The following EBF1 variants were observed in gnomAD, a reference collection of about 807,000 sequenced individuals.
EBF1 encodes the protein transcription factor COE1.
Under a neutral mutation model 68.4 loss-of-function variants are expected in EBF1, and 10 were observed. The observed-to-expected ratio is 0.15, with a 90% CI of 0.09 to 0.25. EBF1 has a LOEUF of 0.25. Ranked by LOEUF, EBF1 falls within the 10% of genes least tolerant of loss-of-function variation. The probability of loss-of-function intolerance (pLI) is 1.00; values close to 1 mark genes in which losing one functional copy is unlikely to be tolerated. For missense variants in EBF1, 509 were observed against 794.4 expected, an observed-to-expected ratio of 0.64 and a Z score of 4.32; for synonymous variants, 298 against 299.8, an observed-to-expected ratio of 0.99 and a Z score of 0.06.
intron 6 of EBF1, among the ~76,000 whole-genome samples, chr5:159,012,242 G>A (rs537762209): frequency 1.1e-4 from 16 of 151,478 alleles, no homozygotes; most frequent in Admixed American, 4.6e-4. Flanking sequence ...AGCTGAGATC[G>A]CGCCACTGCA....
chr5:158,944,011 C>G (rs1814101857), intron 6 of EBF1, among the ~76,000 whole-genome samples: 1 of 152,170 alleles, frequency 6.6e-6, no homozygotes, highest in South Asian at 2.1e-4. Context: ...CAAGCAGCCA[C>G]AAGCAATTGA....
chr5:158,808,224 A>G (rs1306709896), intron 8 of EBF1, among the ~76,000 whole-genome samples: 2 of 152,154 alleles, frequency 1.3e-5, no homozygotes, highest in Non-Finnish European at 2.9e-5. Context: ...TCTATGATGT[A>G]CTGACTCAAC....
chr5:158,919,038 C>T (rs1469979675), intron 6 of EBF1, among the ~76,000 whole-genome samples: 6 of 152,154 alleles, frequency 3.9e-5, no homozygotes, highest in Non-Finnish European at 8.8e-5. Flanking sequence ...TGTTAAAAAT[C>T]ACATTTGGTG....
intron 8 of EBF1, among the ~76,000 whole-genome samples, chr5:158,802,520 G>A (rs186337832): frequency 1.3e-5 from 2 of 152,258 alleles, no homozygotes; most frequent in East Asian, 3.9e-4. Flanking sequence ...CTATTAGTGA[G>A]CATTTCTACA....
intron 8 of EBF1, among the ~76,000 whole-genome samples, chr5:158,801,063 G>C (rs746822354): frequency 6.6e-6 from 1 of 152,040 alleles, no homozygotes; most frequent in Non-Finnish European, 1.5e-5. Context: ...GGTGGGGTTT[G>C]CCTCTTTTTT....
At chr5:158,718,530 A>G (rs1290747821) in intron 11 of EBF1, among the ~76,000 whole-genome samples, 2 of 152,118 alleles carry the variant, frequency 1.3e-5, no homozygotes, top group African/African-American at 4.8e-5. Context: ...GATCACTCTC[A>G]TTTATTGAAA....
Position 159,094,165 on chromosome 5 carries a change from CAAAAAAAAAAAAAAAA to C in EBF1, c.411+1439_411+1454del, listed in dbSNP as rs869228922. On this transcript the variant is annotated intron_variant, in intron 4 of 15. Coordinates refer to ENST00000313708, the MANE Select transcript of EBF1 (RefSeq NM_024007.5). ...GCTTTTGTGTTTCTGCCTTGGAAGG[CAAAAAAAAAAAAAAAA>C]AAAAAAAAAAAAACACAGTGTCCAA... 7.8e-4 allele frequency among the ~76,000 whole-genome samples: 17 copies of C among 21,880 alleles called. 1 individual carries two copies. The highest frequency in any genetic ancestry group is 1.7e-3 in the African/African-American group (12 of 7,218). The allele number at this position is 21,880 out of a possible 152,430, so 14.4% of individuals were successfully genotyped here.
At chr5:158,838,258 A>G (rs1359864481) in intron 7 of EBF1, among the ~76,000 whole-genome samples, 1 of 152,084 alleles carries the variant, frequency 6.6e-6, no homozygotes, top group African/African-American at 2.4e-5. Flanking sequence ...ATCCTGGCTA[A>G]CACAGTGAAA....
intron 10 of EBF1, among the ~76,000 whole-genome samples, chr5:158,774,696 A>G (rs1581764292): frequency 1.3e-5 from 2 of 152,230 alleles, no homozygotes; most frequent in South Asian, 4.1e-4. Context: ...CCATCTCTAT[A>G]CCCTTACTAT....
rs1779625059 is a variant in EBF1 at position 158,796,448 on chromosome 5, G to A, written c.806C>T (p.Pro269Leu). 1 of 1,612,856 alleles carries A rather than the reference G, an allele frequency of 6.2e-7. No individual in the cohort carries two copies. Among genetic ancestry groups the A allele is most frequent in the Non-Finnish European group, 8.5e-7 (1 of 1,179,296 alleles). ...HATPCIKAIS[P>L]SEGWTTGGAT... is the part of the protein sequence containing the mutation. ...ACCTCCCGTCGTCCATCCTTCACTC[G>A]GGCTGATGGCTTTGATACAGGGAGT... The change falls in exon 9 of 16, where the codon CCG becomes CTG. Residue 269 changes from proline (P) to leucine (L), a missense_variant. Pro to Leu is a moderately conservative substitution (Grantham distance 98, BLOSUM62 -3). Coordinates refer to ENST00000313708, the MANE Select transcript of EBF1 (RefSeq NM_024007.5).
At chr5:158,776,443 T>C (rs1418021963) in intron 10 of EBF1, among the ~76,000 whole-genome samples, 1 of 152,190 alleles carries the variant, frequency 6.6e-6, no homozygotes, top group Non-Finnish European at 1.5e-5. Context: ...CTTAATTGTA[T>C]GGTTATAATT....
At chr5:158,883,421 C>CGT (rs1799360424) in intron 6 of EBF1, among the ~76,000 whole-genome samples, 3 of 142,798 alleles carry the variant, frequency 2.1e-5, no homozygotes, top group South Asian at 2.2e-4. Context: ...TACATACATA[C>CGT]GTATATATAT....
chr5:158,990,042 T>A (rs982183611), intron 6 of EBF1, among the ~76,000 whole-genome samples: 1 of 150,310 alleles, frequency 6.7e-6, no homozygotes, highest in African/African-American at 2.5e-5. Flanking sequence ...TTGGAGGGGG[T>A]GATTAAGAGA....
chr5:158,764,484 G>A (rs1268742866), intron 10 of EBF1, among the ~76,000 whole-genome samples: 4 of 152,158 alleles, frequency 2.6e-5, no homozygotes, highest in East Asian at 1.9e-4. Flanking sequence ...GCATTGATTT[G>A]ACTAATATTT....
intron 8 of EBF1, among the ~76,000 whole-genome samples, chr5:158,801,180 T>G (rs1424474856): frequency 6.6e-6 from 1 of 152,000 alleles, no homozygotes; most frequent in Non-Finnish European, 1.5e-5. Flanking sequence ...GCATAATGGC[T>G]CTGAAATGCT....
chr5:158,759,471 CTAGATAATGATCA>C (rs1395272345), intron 10 of EBF1, among the ~76,000 whole-genome samples: 7 of 152,158 alleles, frequency 4.6e-5, no homozygotes, highest in Non-Finnish European at 8.8e-5. Flanking sequence ...GCTCATATTT[CTAGATAATGATCA>C]CAGAGTGGCT....
At chr5:158,862,273 G>A (rs1014925694) in intron 6 of EBF1, among the ~76,000 whole-genome samples, 1 of 152,080 alleles carries the variant, frequency 6.6e-6, no homozygotes, top group Non-Finnish European at 1.5e-5. Context: ...AAAGTAGGCT[G>A]GGAAAACTTC....
At chr5:158,975,844 G>A (rs1418443209) in intron 6 of EBF1, among the ~76,000 whole-genome samples, 3 of 152,146 alleles carry the variant, frequency 2.0e-5, no homozygotes, top group Non-Finnish European at 4.4e-5. Flanking sequence ...TTTACCTGTT[G>A]GGACCGAATG....
In EBF1 at chr5:159,089,657, T is replaced by C. The variant is rs1287406765; in HGVS notation, c.412-4918A>G. 2.0e-5 allele frequency among the ~76,000 whole-genome samples: 3 copies of C among 151,496 alleles called. No individual in the cohort carries two copies. In the East Asian group the frequency reaches 5.9e-4, roughly 30 times the overall value. On this transcript the variant is annotated intron_variant, in intron 4 of 15. Coordinates refer to ENST00000313708, the MANE Select transcript of EBF1 (RefSeq NM_024007.5). Reference sequence around the variant, plus strand: ...AATAAAGGCGGTGAAGAGAATACTTTTGACTTTGGTTCAGCAAAATCCAAA... The same window carrying C: ...AATAAAGGCGGTGAAGAGAATACTTCTGACTTTGGTTCAGCAAAATCCAAA...
Sources: allele counts gnomAD v4.1 joint callset (sites outside exome capture counted in the v4.1 genomes callset), GRCh38; gene constraint gnomAD v4.1.1; transcripts MANE v1.5; gene names NCBI Gene and HGNC (gene_info 2026-07-23, HGNC 2026-07-21).